KPNA4: variants seen among roughly 807,000 people sequenced by gnomAD.
KPNA4 encodes the protein importin subunit alpha-3.
A neutral mutation model predicts 71.3 loss-of-function variants in KPNA4; 13 were observed. The observed-to-expected ratio is 0.18, with a 90% CI of 0.12 to 0.29. The LOEUF is 0.29. KPNA4 is among the 10% of genes least tolerant of loss of function. The pLI is 1.00. For synonymous variants in KPNA4, 189 were observed against 195.2 expected (o/e 0.97, Z 0.26); for missense variants, 334 against 603.2 (o/e 0.55, Z 4.67).
chr3:160,563,885 C>T (rs181267936), intron 1 of KPNA4, among the ~76,000 whole-genome samples: 2 of 152,154 alleles, frequency 1.3e-5, no homozygotes, highest in African/African-American at 4.8e-5. Flanking sequence ...CATCCCTGGA[C>T]ACTTAGTCGT....
intron 1 of KPNA4, among the ~76,000 whole-genome samples, chr3:160,550,522 C>T (rs146970135): frequency 3.3e-4 from 50 of 152,322 alleles, no homozygotes; most frequent in African/African-American, 1.2e-3. Context: ...ACTGAGGCCT[C>T]CTTCCAAAGC....
chr3:160,531,799 CT>C (rs113970716), intron 5 of KPNA4, among the ~76,000 whole-genome samples: 80 of 146,482 alleles, frequency 5.5e-4, no homozygotes, highest in Middle Eastern at 3.6e-3. Flanking sequence ...ACTTTACTAC[CT>C]TTTTTTTTTT....
rs1720771959 is a variant in KPNA4, at chr3:160,496,717, G to A, written c.*5387C>T. Reference sequence around the variant, plus strand: ...CTACAAAAGGTATAAAATTTGTGGAGAAGGCAAAAATTGGGGCAGAAAATA... The same window carrying A: ...CTACAAAAGGTATAAAATTTGTGGAAAAGGCAAAAATTGGGGCAGAAAATA... On this transcript the variant is annotated 3_prime_UTR_variant, in exon 17 of 17. Coordinates refer to ENST00000334256, the MANE Select transcript of KPNA4 (RefSeq NM_002268.5). The A allele has an allele frequency of 1.3e-5, 2 of 152,238 alleles. No individual in the cohort carries two copies. The highest frequency in any genetic ancestry group is 2.9e-5 in the Non-Finnish European group (2 of 68,050). The allele number at this position is 152,238 out of a possible 1,614,324, so 9.4% of individuals were successfully genotyped here. A position where few individuals can be genotyped will look rare whatever the true frequency, so the allele number is the denominator to read the frequency against.
chr3:160,535,788 T>G lies in KPNA4; in HGVS notation c.204+20A>C. The G allele has an allele frequency of 1.3e-6, 2 of 1,545,112 alleles. No individual in the cohort carries two copies. The highest frequency in any genetic ancestry group is 1.7e-6 in the Non-Finnish European group (2 of 1,154,256). On this transcript the variant is annotated intron_variant, in intron 3 of 16. Coordinates refer to ENST00000334256, the MANE Select transcript of KPNA4 (RefSeq NM_002268.5). The stretch of plus-strand genomic sequence containing the variant: ...CACTCGTACTTTTAAGTTACCAGAA[T>G]AACAATAACAATGACTTACCACTCT...
At chr3:160,562,642 AG>A (rs1302257279) in intron 1 of KPNA4, among the ~76,000 whole-genome samples, 6 of 152,240 alleles carry the variant, frequency 3.9e-5, no homozygotes, top group Admixed American at 3.9e-4. Context: ...TGTGATTTTG[AG>A]TAAGTCACAG....
At chr3:160,546,768 A>G (rs1418485808) in intron 1 of KPNA4, among the ~76,000 whole-genome samples, 1 of 151,956 alleles carries the variant, frequency 6.6e-6, no homozygotes, top group Non-Finnish European at 1.5e-5. Flanking sequence ...CCATCCCTGC[A>G]CACTATTTAA....
At chr3:160,521,452 T>A (rs1266295972) in intron 11 of KPNA4, among the ~76,000 whole-genome samples, 1 of 151,944 alleles carries the variant, frequency 6.6e-6, no homozygotes, top group Non-Finnish European at 1.5e-5. Context: ...TAGAAAAAAA[T>A]TAGCTACACA....
At chr3:160,550,248 A>G (rs1376438790) in intron 1 of KPNA4, among the ~76,000 whole-genome samples, 1 of 152,164 alleles carries the variant, frequency 6.6e-6, no homozygotes, top group African/African-American at 2.4e-5. Flanking sequence ...TATGTTGAAG[A>G]GAAATGCCAA....
Position 160,514,187 on chromosome 3 carries a change from G to A in KPNA4, c.1033-6C>T, listed in dbSNP as rs960988025. 1.3e-6 allele frequency: 2 copies of A among 1,574,284 alleles called. 1 individual carries two copies. The highest frequency in any genetic ancestry group is 1.7e-6 in the Non-Finnish European group (2 of 1,162,828). On this transcript the variant is annotated splice_region_variant and splice_polypyrimidine_tract_variant and intron_variant, in intron 12 of 16. Transcript: ENST00000334256. ...GAGAGGAACCACACTGCTTCCTGTA[G>A]AACAAGAGCATTTGAATATTTCTCA...
At chr3:160,505,199 TA>T (rs1210411569) in intron 15 of KPNA4, 147 bp from the exon 16 acceptor site, 32 of 409,446 alleles carry the variant, frequency 7.8e-5, no homozygotes, top group African/African-American at 5.8e-4. Flanking sequence ...ATCTTAAATA[TA>T]AAAAAATTTT....
At chr3:160,521,590 G>C (rs535513473) in intron 11 of KPNA4, among the ~76,000 whole-genome samples, 189 bp downstream of exon 11, 1 of 152,226 alleles carries the variant, frequency 6.6e-6, no homozygotes, top group African/African-American at 2.4e-5. Flanking sequence ...GTGACAGTGA[G>C]ACCCCATCTT....
chr3:160,563,241 G>A (rs184508341), intron 1 of KPNA4, among the ~76,000 whole-genome samples: 2 of 152,260 alleles, frequency 1.3e-5, no homozygotes, highest in African/African-American at 4.8e-5. Flanking sequence ...GTTACAACAC[G>A]GATAAACCTT....
At chr3:160,553,776 AGCTTTTGCAT>A (rs1722085261) in intron 1 of KPNA4, among the ~76,000 whole-genome samples, 1 of 152,244 alleles carries the variant, frequency 6.6e-6, no homozygotes. Flanking sequence ...TTAAAAATTA[AGCTTTTGCAT>A]AAATCTCAAG....
Position 160,535,558 on chromosome 3 carries a change from G to T in KPNA4, c.242C>A (p.Ser81Ter). The T allele has an allele frequency of 6.3e-7, 1 of 1,598,030 alleles. No homozygotes were observed. Among genetic ancestry groups the T allele is most frequent in the South Asian group, 1.1e-5 (1 of 87,640 alleles). The change falls in exon 5 of 17, where the codon TCA becomes TAA. Residue 81 changes from serine to a stop codon, truncating the protein, a stop_gained. Transcript: ENST00000334256. LOFTEE classifies it high-confidence loss of function. ...TSLEAIVQNASSDNQGIQLSA... is the reference protein window; with the variant it reads ...TSLEAIVQNA ...TAATTGAATTCCTTGGTTATCACTTGAAGCATTCTATAAAAAATAAAATAA... is the reference window on the plus strand; with the variant it reads ...TAATTGAATTCCTTGGTTATCACTTTAAGCATTCTATAAAAAATAAAATAA...
intron 1 of KPNA4, among the ~76,000 whole-genome samples, chr3:160,551,940 G>GT (rs1722048007): frequency 3.7e-5 from 2 of 54,312 alleles, no homozygotes; most frequent in Non-Finnish European, 6.7e-5. Flanking sequence ...TGTCACAACT[G>GT]GGGGGGGGGG....
intron 1 of KPNA4, among the ~76,000 whole-genome samples, chr3:160,559,794 A>C (rs1299100231): frequency 2.0e-5 from 3 of 152,288 alleles, no homozygotes; most frequent in East Asian, 1.9e-4. Flanking sequence ...CTGAATGCAG[A>C]AACAGATGAG....
Position 160,525,854 on chromosome 3 carries a change from G to T in KPNA4, c.727-10C>A. On this transcript the variant is annotated splice_polypyrimidine_tract_variant and intron_variant, in intron 9 of 16. Transcript: ENST00000334256. Reference sequence around the variant, plus strand: ...AAAGGGCTGGAAGAATCTGAGGAGAGAAATATGTAGATTTAAAAACATACA... The same window carrying T: ...AAAGGGCTGGAAGAATCTGAGGAGATAAATATGTAGATTTAAAAACATACA... 6.4e-7 allele frequency: 1 copy of T among 1,551,178 alleles called. No individual in the cohort carries two copies. The highest frequency in any genetic ancestry group is 8.7e-7 in the Non-Finnish European group (1 of 1,150,756).
chr3:160,514,115 C>T lies in KPNA4; in HGVS notation c.1099G>A (p.Ala367Thr), dbSNP rs1335901796. The change falls in exon 13 of 17, where the codon GCC (alanine) becomes ACC (threonine). Residue 367 changes from alanine to threonine, a missense_variant. Physicochemically the swap from Ala to Thr is moderately conservative, Grantham distance 58. Transcript: ENST00000334256. ...TGTATTATCATTGGTACAAGATTGG[C>T]ATCAATTACTGCCTGTACCTGCTGC... ...NQQQVQAVID[A>T]NLVPMIIHLL... 4 of 1,594,064 alleles carry T rather than the reference C, an allele frequency of 2.5e-6. No individual in the cohort carries two copies. Among genetic ancestry groups the T allele is most frequent in the Non-Finnish European group, 3.4e-6 (4 of 1,173,490 alleles).
At chr3:160,547,761 CTG>C (rs1721953177) in intron 1 of KPNA4, among the ~76,000 whole-genome samples, 1 of 152,156 alleles carries the variant, frequency 6.6e-6, no homozygotes, top group Non-Finnish European at 1.5e-5. Flanking sequence ...GATCTTTTTA[CTG>C]TCTCTATAGT....
Sources: allele counts gnomAD v4.1 joint callset (sites outside exome capture counted in the v4.1 genomes callset), GRCh38; gene constraint gnomAD v4.1.1; transcripts MANE v1.5; gene names NCBI Gene and HGNC (gene_info 2026-07-23, HGNC 2026-07-21).